Variants in RSU1 observed in about 807,000 individuals in gnomAD.
RSU1 encodes the protein rsu-1.
A neutral mutation model predicts 31.1 loss-of-function variants in RSU1; 26 were observed. That is an observed-to-expected ratio of 0.84 (90% CI 0.61 to 1.16). The LOEUF is 1.16. Ranked by LOEUF, RSU1 falls within the 50% of genes most tolerant of loss-of-function variation. The pLI, the probability that RSU1 is intolerant of heterozygous loss-of-function variation, is 0.00. For synonymous variants in RSU1, 164 were observed against 136.3 expected (o/e 1.20, Z -1.41); for missense variants, 320 against 339.1 (o/e 0.94, Z 0.44).
At chr10:16,712,429 C>T (rs1396584252) in intron 7 of RSU1, among the ~76,000 whole-genome samples, 1 of 151,892 alleles carries the variant, frequency 6.6e-6, no homozygotes, top group Non-Finnish European at 1.5e-5. Flanking sequence ...TTTTCCTTCG[C>T]GGTTTGGTGG....
chr10:16,593,458 G>A lies in RSU1; in HGVS notation c.770C>T (p.Pro257Leu), dbSNP rs747686091. 70 of 1,613,944 alleles carry A rather than the reference G, an allele frequency of 4.3e-5. No individual in the cohort carries two copies. The highest frequency in any genetic ancestry group is 8.0e-5 in the African/African-American group (6 of 74,898). ...GRHMQANPEPPKKNNDKSKKI... is the reference protein window; with the variant it reads ...GRHMQANPEPLKKNNDKSKKI... ...TTTCGATTTGTCATTATTCTTCTTCGGTGGTTCTGGGTTGGCCTGCATGTG... is the reference window on the plus strand; with the variant it reads ...TTTCGATTTGTCATTATTCTTCTTCAGTGGTTCTGGGTTGGCCTGCATGTG... The change falls in exon 9 of 9, where the codon CCG becomes CTG. Residue 257 changes from proline (P) to leucine (L), a missense_variant. Transcript: ENST00000345264.
rs547082368 is a variant in RSU1 at position 16,765,401 on chromosome 10, T to G, written c.161-891A>C. Reference sequence around the variant, plus strand: ...TCAGATTAGCAAGAGATCGATACACTGTTATTATATAGAAATACAAAAAGT... The same window carrying G: ...TCAGATTAGCAAGAGATCGATACACGGTTATTATATAGAAATACAAAAAGT... On this transcript the variant is annotated intron_variant, in intron 3 of 8. Transcript: ENST00000345264. Among the ~76,000 whole-genome samples the G allele has an allele frequency of 2.6e-5, 4 of 152,260 alleles. No homozygotes were observed. In the East Asian group the frequency reaches 7.7e-4, roughly 29 times the overall value.
intron 7 of RSU1, among the ~76,000 whole-genome samples, chr10:16,744,854 C>T (rs1247754612): frequency 6.6e-6 from 1 of 152,174 alleles, no homozygotes; most frequent in Non-Finnish European, 1.5e-5. Flanking sequence ...TGCAGAATCC[C>T]TTCATCTGAG....
At chr10:16,724,381 T>C (rs1468603048) in intron 7 of RSU1, among the ~76,000 whole-genome samples, 1 of 152,184 alleles carries the variant, frequency 6.6e-6, no homozygotes, top group Non-Finnish European at 1.5e-5. Flanking sequence ...CACCACAAAC[T>C]ATAATGAACA....
intron 8 of RSU1, among the ~76,000 whole-genome samples, chr10:16,628,509 G>A (rs1023529652): frequency 9.2e-5 from 14 of 152,176 alleles, no homozygotes; most frequent in Admixed American, 3.3e-4. Flanking sequence ...GAGGTGTCAA[G>A]TTCACTTATT....
chr10:16,708,542 A>G (rs1202240324), intron 7 of RSU1, among the ~76,000 whole-genome samples: 15 of 152,094 alleles, frequency 9.9e-5, no homozygotes, highest in Non-Finnish European at 1.3e-4. Flanking sequence ...CTTTTTGCTC[A>G]GGGTTGCTTT....
At chr10:16,816,312 CCT>C (rs1231454380) in intron 2 of RSU1, among the ~76,000 whole-genome samples, 10 of 152,156 alleles carry the variant, frequency 6.6e-5, no homozygotes, top group African/African-American at 2.2e-4. Context: ...CATAACCGCC[CCT>C]GACCGCCCTC....
chr10:16,636,681 C>T (rs1245582789), intron 8 of RSU1, among the ~76,000 whole-genome samples: 1 of 152,224 alleles, frequency 6.6e-6, no homozygotes, highest in Non-Finnish European at 1.5e-5. Context: ...GACCTCCTAT[C>T]TGATCTGTCT....
chr10:16,802,678 A>G (rs1450967779), intron 2 of RSU1, among the ~76,000 whole-genome samples: 2 of 152,154 alleles, frequency 1.3e-5, no homozygotes, highest in African/African-American at 4.8e-5. Flanking sequence ...AAAATGTACT[A>G]AGAGTACACA....
intron 8 of RSU1, among the ~76,000 whole-genome samples, chr10:16,606,797 G>A (rs990760327): frequency 2.0e-5 from 3 of 152,184 alleles, no homozygotes; most frequent in African/African-American, 7.2e-5. Flanking sequence ...GCTTTCTCTT[G>A]TTTTACGATA....
intron 8 of RSU1, among the ~76,000 whole-genome samples, chr10:16,655,448 C>T (rs926822368): frequency 1.3e-5 from 2 of 151,964 alleles, no homozygotes; most frequent in East Asian, 3.9e-4. Flanking sequence ...TACAAAGTGG[C>T]GATGATTATG....
At chr10:16,801,811 T>A (rs541021017) in intron 2 of RSU1, among the ~76,000 whole-genome samples, 27 of 152,250 alleles carry the variant, frequency 1.8e-4, no homozygotes, top group African/African-American at 4.1e-4. Context: ...AAAAAATTTT[T>A]AAAAATATTT....
intron 7 of RSU1, among the ~76,000 whole-genome samples, chr10:16,704,537 T>G (rs7092558): frequency 0.45 from 68,517 of 151,970 alleles, 15,966 homozygotes; most frequent in African/African-American, 0.58. Context: ...CAAAAGGTAT[T>G]GAATATTGTT....
intron 7 of RSU1, among the ~76,000 whole-genome samples, chr10:16,709,487 TTA>T (rs1335640436): frequency 6.6e-6 from 1 of 152,186 alleles, no homozygotes; most frequent in African/African-American, 2.4e-5. Flanking sequence ...GCAGCATGAT[TTA>T]TAGTCCTTTG....
chr10:16,768,578 C>T (rs1431968293), intron 3 of RSU1, among the ~76,000 whole-genome samples: 1 of 152,194 alleles, frequency 6.6e-6, no homozygotes. Flanking sequence ...GCTCTCATCC[C>T]AGAGCCTCTG....
At chr10:16,718,633 C>G (rs1321416769) in intron 7 of RSU1, among the ~76,000 whole-genome samples, 3 of 152,134 alleles carry the variant, frequency 2.0e-5, no homozygotes, top group African/African-American at 7.2e-5. Flanking sequence ...TGGTCAGACT[C>G]ATGGCTCAAA....
intron 7 of RSU1, among the ~76,000 whole-genome samples, chr10:16,704,403 T>G (rs1835854079): frequency 6.6e-6 from 1 of 152,192 alleles, no homozygotes; most frequent in Admixed American, 6.5e-5. Flanking sequence ...GGGTTTAGGA[T>G]TCATACTCAA....
chr10:16,808,911 C>G (rs1838339587), intron 2 of RSU1, among the ~76,000 whole-genome samples: 1 of 152,230 alleles, frequency 6.6e-6, no homozygotes, highest in East Asian at 1.9e-4. Context: ...GAGGGAAGAT[C>G]ATGTGAGCAC....
At chr10:16,782,601 G>C (rs1837677124) in intron 2 of RSU1, among the ~76,000 whole-genome samples, 2 of 152,184 alleles carry the variant, frequency 1.3e-5, no homozygotes, top group African/African-American at 4.8e-5. Flanking sequence ...CATGGTATCA[G>C]ATGATCAGAG....
Sources: allele counts gnomAD v4.1 joint callset (sites outside exome capture counted in the v4.1 genomes callset), GRCh38; gene constraint gnomAD v4.1.1; transcripts MANE v1.5; gene names NCBI Gene and HGNC (gene_info 2026-07-23, HGNC 2026-07-21).